Variants in LMF1 observed in about 807,000 individuals in gnomAD.
LMF1 encodes transmembrane protein 112.
LMF1 carries 68 observed loss-of-function variants against 60.6 expected under a neutral mutation model. The ratio of observed to expected loss-of-function variants is 1.12; its 90% CI spans 0.92 to 1.37. The LOEUF (loss-of-function observed/expected upper bound fraction) is 1.37, where lower values mean the gene tolerates loss of function less well. Ranked by LOEUF, LMF1 falls within the 40% of genes most tolerant of loss-of-function variation. LMF1 has a pLI of 0.00. For missense variants in LMF1, 948 were observed against 767.2 expected, an observed-to-expected ratio of 1.24 and a Z score of -2.78; for synonymous variants, 418 against 324.7, an observed-to-expected ratio of 1.29 and a Z score of -3.09.
chr16:856,933 C>T lies in LMF1; in HGVS notation c.1530-2227G>A, dbSNP rs572929338. Among the ~76,000 whole-genome samples the T allele has an allele frequency of 4.7e-4, 72 of 152,382 alleles. 1 individual carries two copies. The highest frequency in any genetic ancestry group is 3.4e-3 in the Middle Eastern group (1 of 294). The stretch of plus-strand genomic sequence containing the variant: ...AGGCCACAGACACGGGTCCCATCCA[C>T]GCCCGGACCCCCGTGTCCTTCCACA... On this transcript the variant is annotated intron_variant, in intron 10 of 10. Transcript: ENST00000262301.
chr16:888,921 C>T (rs1596914050), intron 5 of LMF1, among the ~76,000 whole-genome samples: 2 of 148,432 alleles, frequency 1.3e-5, no homozygotes, highest in South Asian at 4.2e-4. Context: ...GGAGCTGCAT[C>T]CCCCCTCTCC....
At chr16:900,503 C>A (rs12931768) in intron 4 of LMF1, 48,634 of 151,878 alleles carry the variant, frequency 0.32, 9,832 homozygotes, top group African/African-American at 0.57. Context: ...ATTTTCTTTT[C>A]TTTTTTCTTT....
At position 897,200 on chromosome 16, in the gene LMF1, C is replaced by G. The variant is rs566939291; in HGVS notation, c.664-4128G>C. ...TGTCCTGGGACACACTTCCCCAAAT[C>G]TGCCATCTGGAAACTCGAAGTGTCT... On this transcript the variant is annotated intron_variant, in intron 4 of 10. Coordinates refer to ENST00000262301, the MANE Select transcript of LMF1 (RefSeq NM_022773.4). This position sits in a 1 kb window ranked among gnomAD's most constrained non-coding sequence, Gnocchi z 4.3. Among the ~76,000 whole-genome samples the G allele has an allele frequency of 1.6e-4, 25 of 152,338 alleles. No individual in the cohort carries two copies. Among genetic ancestry groups the G allele is most frequent in the African/African-American group, 5.5e-4 (23 of 41,568 alleles).
chr16:929,006 G>A (rs4984719), intron 3 of LMF1, among the ~76,000 whole-genome samples: 43,147 of 152,040 alleles, frequency 0.28, 7,624 homozygotes, highest in African/African-American at 0.48. Context: ...CTGCCCTGGC[G>A]CCTGTGCACT....
At chr16:871,712 G>A (rs1200911461) in intron 6 of LMF1, 3 of 222,290 alleles carry the variant, frequency 1.3e-5, no homozygotes, top group Non-Finnish European at 2.7e-5. Context: ...GGGGAAGGCT[G>A]GTGAGTCCAA....
intron 2 of LMF1, among the ~76,000 whole-genome samples, chr16:943,187 C>T (rs373286883): frequency 7.9e-5 from 12 of 151,240 alleles, no homozygotes; most frequent in East Asian, 5.9e-4. Flanking sequence ...CTGGCTAACA[C>T]GGTGAAACCC....
chr16:957,780 C>T (rs116843650), intron 1 of LMF1, among the ~76,000 whole-genome samples: 7,504 of 152,218 alleles, frequency 0.049, 205 homozygotes, highest in Non-Finnish European at 0.066. Flanking sequence ...GACACAGCCC[C>T]CCTGCCCCCG....
At chr16:968,562 A>G (rs2072974196) in intron 1 of LMF1, 1 of 152,218 alleles carries the variant, frequency 6.6e-6, no homozygotes, top group South Asian at 2.1e-4. Context: ...ATGCAGGATG[A>G]CTGCCTGCTT....
At chr16:902,695 C>T (rs60125595) in intron 4 of LMF1, 46,115 of 139,036 alleles carry the variant, frequency 0.33, 9,052 homozygotes, top group African/African-American at 0.58. Flanking sequence ...TGGGGACGCC[C>T]GTCTCTGCTG....
At chr16:940,887 G>A (rs1017664627) in intron 2 of LMF1, among the ~76,000 whole-genome samples, 2 of 152,194 alleles carry the variant, frequency 1.3e-5, no homozygotes, top group Non-Finnish European at 2.9e-5. Flanking sequence ...TATTGAAAGA[G>A]TGATTGATGT....
At chr16:858,671 C>T (rs1596828321) in intron 10 of LMF1, among the ~76,000 whole-genome samples, 1 of 82,306 alleles carries the variant, frequency 1.2e-5, no homozygotes, top group East Asian at 3.3e-4. Flanking sequence ...AGTGGTGTCA[C>T]GGGACGGGTG....
intron 4 of LMF1, among the ~76,000 whole-genome samples, chr16:893,588 C>T (rs1392226535): frequency 3.3e-5 from 5 of 152,128 alleles, no homozygotes; most frequent in African/African-American, 7.2e-5. Flanking sequence ...GCTGTGAGGA[C>T]TCCTGGGGCA....
chr16:871,697 T>C, intron 6 of LMF1: 1 of 230,710 alleles, frequency 4.3e-6, no homozygotes, highest in Non-Finnish European at 8.5e-6. Context: ...GCCGGGGTCA[T>C]GCCCGGGGAA....
At chr16:876,125 C>G (rs932653726) in intron 6 of LMF1, among the ~76,000 whole-genome samples, 2 of 152,252 alleles carry the variant, frequency 1.3e-5, no homozygotes, top group African/African-American at 4.8e-5. Flanking sequence ...GTCTGTTGCC[C>G]TTCAGAGGCT....
At position 853,718 on chromosome 16, in the gene LMF1, T is replaced by C. The variant is rs1475989786; in HGVS notation, c.*814A>G. 2 of 453,966 alleles carry C rather than the reference T, an allele frequency of 4.4e-6. No homozygotes were observed. Among genetic ancestry groups the C allele is most frequent in the Non-Finnish European group, 8.8e-6 (2 of 226,766 alleles). The allele number at this position is 453,966 out of a possible 1,614,324, so 28.1% of individuals were successfully genotyped here. A position where few individuals can be genotyped will look rare whatever the true frequency, so the allele number is the denominator to read the frequency against. On this transcript the variant is annotated 3_prime_UTR_variant, in exon 11 of 11. Coordinates refer to ENST00000262301, the MANE Select transcript of LMF1 (RefSeq NM_022773.4). ...GGCTCAAGAATAGGAATAAGAAAAA[T>C]GTGCAGTAGACGCTGTTTGTCCGAC...
At chr16:943,061 T>C (rs958133855) in intron 2 of LMF1, among the ~76,000 whole-genome samples, 1 of 152,250 alleles carries the variant, frequency 6.6e-6, no homozygotes, top group Non-Finnish European at 1.5e-5. Flanking sequence ...AAATGTCCAA[T>C]TGACTCTTCT....
chr16:900,654 C>G (rs114439408), intron 4 of LMF1: 1 of 151,770 alleles, frequency 6.6e-6, no homozygotes, highest in Non-Finnish European at 1.5e-5. Flanking sequence ...GAATTACAGG[C>G]GCCCGCCAGC....
chr16:898,881 C>T (rs913552305), intron 4 of LMF1: 8 of 152,306 alleles, frequency 5.3e-5, no homozygotes, highest in South Asian at 2.1e-4. Flanking sequence ...TGGCAAACGA[C>T]GTGCACTTCA....
intron 5 of LMF1, chr16:884,107 C>A (rs1181828149): frequency 1.3e-5 from 2 of 152,204 alleles, no homozygotes; most frequent in African/African-American, 4.8e-5. Context: ...GTGAAATGGC[C>A]TCTTTACTCC....
Sources: gnomAD v4.1 joint callset for allele counts (sites outside exome capture counted in the v4.1 genomes callset) on GRCh38, gnomAD v4.1.1 for gene constraint, Gnocchi (gnomAD v3.1) non-coding constraint, MANE v1.5 for transcripts, NCBI Gene and HGNC (gene_info 2026-07-23, HGNC 2026-07-21) for gene names.